Variants in RALYL observed in about 807,000 individuals in gnomAD.
RALYL encodes RALY RNA binding protein like.
Under a neutral mutation model 35.1 loss-of-function variants are expected in RALYL, and 29 were observed. That is an observed-to-expected ratio of 0.83 (90% confidence interval 0.61 to 1.13). The LOEUF (loss-of-function observed/expected upper bound fraction) is 1.13, where lower values mean the gene tolerates loss of function less well. RALYL is among the 50% of genes most tolerant of loss of function. RALYL has a pLI of 0.00. For synonymous variants in RALYL, 120 were observed against 127.6 expected (o/e 0.94, Z 0.40); for missense variants, 359 against 360.4 (o/e 1.00, Z 0.03).
chr8:84,791,818 G>A (rs866961916), intron 3 of RALYL, among the ~76,000 whole-genome samples: 4 of 152,308 alleles, frequency 2.6e-5, no homozygotes, highest in East Asian at 1.9e-4. Context: ...CATATTCAGC[G>A]ATGTGGGCTG....
rs537114598 is a variant in RALYL, at chr8:84,844,806, G to A, written c.366-5174G>A. ...ATGCAGCCATAAAAATAATGAGTTC[G>A]TGTCCTTTGTAGGGACATGGATGAA... On this transcript the variant is annotated intron_variant, in intron 4 of 8. Coordinates refer to ENST00000521268, the MANE Select transcript of RALYL (RefSeq NM_173848.7). 8.5e-4 allele frequency among the ~76,000 whole-genome samples: 129 copies of A among 152,180 alleles called. 2 individuals are homozygous for A. The highest frequency in any genetic ancestry group is 2.7e-3 in the African/African-American group (113 of 41,542).
chr8:84,195,667 C>T (rs1815101909), intron 1 of RALYL, among the ~76,000 whole-genome samples: 1 of 152,096 alleles, frequency 6.6e-6, no homozygotes, highest in Non-Finnish European at 1.5e-5. Flanking sequence ...GGTGAGTCCT[C>T]AGGTTGGGAG....
chr8:84,281,785 G>A lies in RALYL; in HGVS notation c.-24+97361G>A, dbSNP rs138624822. Among the ~76,000 whole-genome samples the A allele has an allele frequency of 7.7e-3, 1,163 of 150,482 alleles. 4 individuals are homozygous for A. The highest frequency in any genetic ancestry group is 0.037 in the Middle Eastern group (11 of 294). ...ACCCATGTATATATGTAATCTCTAA[G>A]TGTATGTGTGTGTGTGTATATATAT... On this transcript the variant is annotated intron_variant, in intron 1 of 8. Transcript: ENST00000521268.
At chr8:84,485,732 C>G (rs1359397032) in intron 1 of RALYL, among the ~76,000 whole-genome samples, 1 of 152,128 alleles carries the variant, frequency 6.6e-6, no homozygotes, top group Non-Finnish European at 1.5e-5. Context: ...ATCCAAGATT[C>G]AAAATCTTTG....
At chr8:84,515,015 C>T (rs1336046927) in intron 1 of RALYL, among the ~76,000 whole-genome samples, 1 of 152,138 alleles carries the variant, frequency 6.6e-6, no homozygotes, top group Admixed American at 6.5e-5. Context: ...AGTATCAGCA[C>T]TCTTTTAAAA....
intron 2 of RALYL, among the ~76,000 whole-genome samples, chr8:84,552,625 A>C (rs1215554737): frequency 6.6e-6 from 1 of 151,212 alleles, no homozygotes; most frequent in Non-Finnish European, 1.5e-5. Context: ...TCATGATTTG[A>C]CCCTACTTAG....
chr8:84,474,670 A>T (rs779046293), intron 1 of RALYL, among the ~76,000 whole-genome samples: 6 of 152,184 alleles, frequency 3.9e-5, no homozygotes, highest in Non-Finnish European at 8.8e-5. Flanking sequence ...GTGAAAGTTC[A>T]GTCTCATGAC....
chr8:84,741,794 T>G (rs1451701759), intron 2 of RALYL, among the ~76,000 whole-genome samples: 1 of 152,022 alleles, frequency 6.6e-6, no homozygotes, highest in East Asian at 1.9e-4. Flanking sequence ...AACCTTTTAT[T>G]GTCATAGAAG....
rs111404811 is a variant in RALYL, at chr8:84,809,902, A to G, written c.365+5100A>G. On this transcript the variant is annotated intron_variant, in intron 4 of 8. Coordinates refer to ENST00000521268, the MANE Select transcript of RALYL (RefSeq NM_173848.7). ...TCTTGGTTAATTTTGCTAATGGTCT[A>G]TCAGTTGTATTTATCTTTTCAAAGA... is the stretch of plus-strand genomic sequence containing the variant. 6.0e-3 allele frequency among the ~76,000 whole-genome samples: 916 copies of G among 152,170 alleles called. 4 individuals are homozygous for G. Among genetic ancestry groups the G allele is most frequent in the African/African-American group, 0.021 (867 of 41,532 alleles).
At position 84,761,776 on chromosome 8, in the gene RALYL, G is replaced by A. The variant is rs147273789; in HGVS notation, c.257-12803G>A. The stretch of plus-strand genomic sequence containing the variant: ...ATTGAATATATTTTTGAGCAAAACA[G>A]GCAAACATGGGAGGGGGTCCAGTAA... On this transcript the variant is annotated intron_variant, in intron 2 of 8. Coordinates refer to ENST00000521268, the MANE Select transcript of RALYL (RefSeq NM_173848.7). Among the ~76,000 whole-genome samples, 3 of 152,202 alleles carry A rather than the reference G, an allele frequency of 2.0e-5. No homozygotes were observed. The East Asian group carries it at 5.8e-4, about 29-fold the overall frequency.
intron 1 of RALYL, among the ~76,000 whole-genome samples, chr8:84,361,792 G>A (rs1045074236): frequency 6.6e-6 from 1 of 152,130 alleles, no homozygotes; most frequent in Non-Finnish European, 1.5e-5. Context: ...GAACAATCAC[G>A]AAGAGAACTG....
chr8:84,725,851 T>C (rs181206509), intron 2 of RALYL, among the ~76,000 whole-genome samples: 16 of 151,820 alleles, frequency 1.1e-4, no homozygotes, highest in South Asian at 2.1e-4. Context: ...TTTATGGATA[T>C]TTTTCTGGAT....
Position 84,394,769 on chromosome 8 carries a change from A to C in RALYL, c.-23-134530A>C, listed in dbSNP as rs573762773. ...TCACACTCTTTGATAGTTCACCATT[A>C]TATGCAAAGGTTTTTTACAAAAATG... On this transcript the variant is annotated intron_variant, in intron 1 of 8. Transcript: ENST00000521268. 4.6e-5 allele frequency among the ~76,000 whole-genome samples: 7 copies of C among 152,070 alleles called. No homozygotes were observed. In the South Asian group the frequency reaches 1.4e-3, roughly 31 times the overall value.
Position 84,388,295 on chromosome 8 carries a change from A to G in RALYL, c.-23-141004A>G, listed in dbSNP as rs191774517. Reference sequence around the variant, plus strand: ...CTTTGCTATTGTGATTAGTGCCGCAATAAACATATGTGTGCATGTGTCTTT... The same window carrying G: ...CTTTGCTATTGTGATTAGTGCCGCAGTAAACATATGTGTGCATGTGTCTTT... On this transcript the variant is annotated intron_variant, in intron 1 of 8. Coordinates refer to ENST00000521268, the MANE Select transcript of RALYL (RefSeq NM_173848.7). 4.2e-3 allele frequency among the ~76,000 whole-genome samples: 632 copies of G among 152,234 alleles called. 6 individuals carry two copies. Among genetic ancestry groups the G allele is most frequent in the African/African-American group, 0.014 (593 of 41,554 alleles).
rs368733585 is a variant in RALYL, at chr8:84,920,922, C to T, written c.*11C>T. 77 of 1,436,160 alleles carry T rather than the reference C, an allele frequency of 5.4e-5. No homozygotes were observed. The highest frequency in any genetic ancestry group is 1.1e-4 in the Admixed American group (4 of 38,078). 89.0% of individuals were successfully genotyped at this position (1,436,160 alleles called of 1,614,324 possible). ...CTACAGATAAAGTGATCTGAAATAACGCATGATGCCACAAAGCAGAAAAGA... is the reference window on the plus strand; with the variant it reads ...CTACAGATAAAGTGATCTGAAATAATGCATGATGCCACAAAGCAGAAAAGA... On this transcript the variant is annotated 3_prime_UTR_variant, in exon 9 of 9. Coordinates refer to ENST00000521268, the MANE Select transcript of RALYL (RefSeq NM_173848.7).
At chr8:84,392,154 G>C (rs1001218908) in intron 1 of RALYL, among the ~76,000 whole-genome samples, 2 of 151,952 alleles carry the variant, frequency 1.3e-5, no homozygotes, top group Admixed American at 1.3e-4. Flanking sequence ...CTTTCTTTCA[G>C]TTTTTAAATT....
chr8:84,195,331 T>A (rs1030847618), intron 1 of RALYL, among the ~76,000 whole-genome samples: 2 of 152,054 alleles, frequency 1.3e-5, no homozygotes, highest in African/African-American at 4.8e-5. Context: ...TCCCAGCTAC[T>A]CAGGAGGCTA....
At chr8:84,261,939 T>G (rs2131822068) in intron 1 of RALYL, among the ~76,000 whole-genome samples, 1 of 152,300 alleles carries the variant, frequency 6.6e-6, no homozygotes, top group South Asian at 2.1e-4. Context: ...CTCAATTGCC[T>G]TGCAATAGAC....
chr8:84,791,595 G>A (rs1199304276), intron 3 of RALYL, among the ~76,000 whole-genome samples: 1 of 152,114 alleles, frequency 6.6e-6, no homozygotes, highest in Admixed American at 6.5e-5. Context: ...GGTAGAATGT[G>A]GGAGACCAGG....
Sources: allele counts gnomAD v4.1 joint callset (sites outside exome capture counted in the v4.1 genomes callset), GRCh38; gene constraint gnomAD v4.1.1; transcripts MANE v1.5; gene names NCBI Gene and HGNC (gene_info 2026-07-23, HGNC 2026-07-21).